OR9Q1: variants seen among roughly 807,000 people sequenced by gnomAD.
The protein encoded by OR9Q1 is olfactory receptor family 9 subfamily Q member 1, also known as olfactory receptor 9Q1.
For synonymous variants in OR9Q1, 153 were observed against 148.6 expected, an observed-to-expected ratio of 1.03 and a Z score of -0.22; for missense variants, 374 against 378.8, an observed-to-expected ratio of 0.99 and a Z score of 0.11.
intron 2 of OR9Q1, among the ~76,000 whole-genome samples, chr11:58,158,918 C>T (rs1854433474): frequency 6.6e-6 from 1 of 152,188 alleles, no homozygotes; most frequent in Non-Finnish European, 1.5e-5. Flanking sequence ...GAGGAAGGAA[C>T]ACTCCCTAGG....
intron 2 of OR9Q1, among the ~76,000 whole-genome samples, chr11:58,126,644 C>T (rs1301517533): frequency 6.6e-6 from 1 of 152,138 alleles, no homozygotes; most frequent in Non-Finnish European, 1.5e-5. Context: ...ATTCTACCTT[C>T]CAATACATTT....
At chr11:58,035,913 A>G (rs77433046) in intron 1 of OR9Q1, among the ~76,000 whole-genome samples, 3,943 of 149,916 alleles carry the variant, frequency 0.026, 69 homozygotes, top group East Asian at 0.062. Flanking sequence ...TTATTTTATT[A>G]TGTTTTGTGT....
At chr11:58,132,468 GT>G (rs754264006) in intron 2 of OR9Q1, among the ~76,000 whole-genome samples, 9 of 152,180 alleles carry the variant, frequency 5.9e-5, no homozygotes, top group Admixed American at 1.3e-4. Context: ...CTATAGGATT[GT>G]TGTAAAGACT....
chr11:58,026,918 C>G (rs1304057844), intron 1 of OR9Q1: 1 of 152,140 alleles, frequency 6.6e-6, no homozygotes, highest in Non-Finnish European at 1.5e-5. Context: ...GAATGTTGTT[C>G]TCCATATATC....
At chr11:58,045,148 C>T (rs1187444132) in intron 1 of OR9Q1, 1 of 152,154 alleles carries the variant, frequency 6.6e-6, no homozygotes, top group Non-Finnish European at 1.5e-5. Context: ...ATTTCAAAAT[C>T]TGAAAAAATC....
At chr11:58,080,441 G>A (rs1033809289) in intron 2 of OR9Q1, among the ~76,000 whole-genome samples, 4 of 152,078 alleles carry the variant, frequency 2.6e-5, no homozygotes, top group African/African-American at 9.7e-5. Context: ...GCATAGTGCT[G>A]TAATGAACTT....
At chr11:58,063,111 T>C (rs1015120091) in intron 2 of OR9Q1, among the ~76,000 whole-genome samples, 1 of 152,150 alleles carries the variant, frequency 6.6e-6, no homozygotes, top group Non-Finnish European at 1.5e-5. Context: ...TAGTAACCAG[T>C]ACAAAAAGAG....
intron 2 of OR9Q1, among the ~76,000 whole-genome samples, chr11:58,110,753 G>T (rs1853892069): frequency 6.6e-6 from 1 of 152,140 alleles, no homozygotes; most frequent in South Asian, 2.1e-4. Context: ...CATGGAAAGG[G>T]TTCATAGTGT....
At chr11:58,056,177 A>G (rs1853326266) in intron 2 of OR9Q1, among the ~76,000 whole-genome samples, 1 of 152,206 alleles carries the variant, frequency 6.6e-6, no homozygotes, top group African/African-American at 2.4e-5. Context: ...TCCCTGGTGT[A>G]AATACTCCCA....
chr11:58,174,257 T>G (rs758695137), intron 2 of OR9Q1, among the ~76,000 whole-genome samples: 1 of 152,126 alleles, frequency 6.6e-6, no homozygotes, highest in Non-Finnish European at 1.5e-5. Flanking sequence ...TCTGCCATTT[T>G]TAGAGGCATA....
intron 1 of OR9Q1, among the ~76,000 whole-genome samples, chr11:58,043,008 C>G (rs1305959266): frequency 6.6e-6 from 1 of 152,192 alleles, no homozygotes; most frequent in African/African-American, 2.4e-5. Flanking sequence ...TATCCTGAGA[C>G]TTTGCTGAAG....
intron 2 of OR9Q1, among the ~76,000 whole-genome samples, chr11:58,138,134 T>C (rs1391923692): frequency 6.6e-6 from 1 of 152,086 alleles, no homozygotes; most frequent in East Asian, 1.9e-4. Flanking sequence ...TCAACTGCCA[T>C]CCCCCAATCA....
intron 2 of OR9Q1, among the ~76,000 whole-genome samples, chr11:58,060,557 G>T (rs910390779): frequency 6.6e-6 from 1 of 152,092 alleles, no homozygotes; most frequent in African/African-American, 2.4e-5. Flanking sequence ...CAGACCTAGT[G>T]GGTGCCCATA....
intron 2 of OR9Q1, among the ~76,000 whole-genome samples, chr11:58,158,010 G>GT (rs886928258): frequency 3.3e-5 from 5 of 152,138 alleles, no homozygotes; most frequent in South Asian, 2.1e-4. Flanking sequence ...CAGAGTGAGA[G>GT]TTTTTTTGTA....
chr11:58,032,135 A>G (rs1853047808), intron 1 of OR9Q1, among the ~76,000 whole-genome samples: 1 of 152,206 alleles, frequency 6.6e-6, no homozygotes. Context: ...AAAACATCCC[A>G]TGCTCACAGA....
At chr11:58,103,046 T>G (rs1440389802) in intron 2 of OR9Q1, among the ~76,000 whole-genome samples, 2 of 152,078 alleles carry the variant, frequency 1.3e-5, no homozygotes, top group African/African-American at 2.4e-5. Flanking sequence ...TGCATCTATA[T>G]TAGTCCATTC....
intron 2 of OR9Q1, chr11:58,109,273 A>G (rs770768998): frequency 4.3e-6 from 2 of 462,798 alleles, no homozygotes; most frequent in South Asian, 3.1e-5. Flanking sequence ...GTTACAGTGC[A>G]GTGGATTGCT....
At chr11:58,124,918 A>G (rs1375057287) in intron 2 of OR9Q1, among the ~76,000 whole-genome samples, 3 of 152,152 alleles carry the variant, frequency 2.0e-5, no homozygotes, top group Non-Finnish European at 1.5e-5. Flanking sequence ...ATGATCCTAC[A>G]AAAAAGGTAT....
In OR9Q1 at chr11:58,127,747, G is replaced by A. The variant is rs376882344; in HGVS notation, c.-14-51684G>A. ...CTTTTTTCCTGATAGAATTTTGAGT[G>A]TTTATATCTGGGGCTTCTGATGCCA... On this transcript the variant is annotated intron_variant, in intron 2 of 2. Transcript: ENST00000335397. Among the ~76,000 whole-genome samples, 8 of 152,248 alleles carry A rather than the reference G, an allele frequency of 5.3e-5. No homozygotes were observed. The East Asian group carries it at 1.2e-3, about 22-fold the overall frequency.
Sources: gnomAD v4.1 joint callset for allele counts (sites outside exome capture counted in the v4.1 genomes callset) on GRCh38, gnomAD v4.1.1 for gene constraint, MANE v1.5 for transcripts, NCBI Gene and HGNC (gene_info 2026-07-23, HGNC 2026-07-21) for gene names.